Variants in MYOF observed in about 807,000 individuals in gnomAD.
MYOF encodes fer-1-like 3, myoferlin.
A neutral mutation model predicts 284.2 loss-of-function variants in MYOF; 244 were observed. That is an observed-to-expected ratio of 0.86 (90% CI 0.77 to 0.95). MYOF has a LOEUF of 0.95. MYOF is among the 40% of genes least tolerant of loss of function. The probability of loss-of-function intolerance (pLI) is 0.00; values close to 1 mark genes in which losing one functional copy is unlikely to be tolerated. For missense variants in MYOF, 2,496 were observed against 2,560.6 expected (o/e 0.97, Z 0.54); for synonymous variants, 904 against 919.7 (o/e 0.98, Z 0.31).
At position 93,374,825 on chromosome 10, in the gene MYOF, C is replaced by T; in HGVS notation, c.2239G>A (p.Val747Met). The change falls in exon 23 of 54, where the codon GTG (valine) becomes ATG (methionine). Residue 747 changes from valine (V) to methionine (M), a missense_variant. Around this residue, in one of 3 missense-constraint regions of MYOF, gnomAD observed 2,436 missense variants for 2,480.7 expected, o/e 0.98. Transcript: ENST00000359263. ...AVRMRSEATD[V>M]KSTLAEIEDW... The stretch of plus-strand genomic sequence containing the variant: ...TCAATTTCTGCCAGTGTGGACTTCA[C>T]ATCTGTGGCTTCCGACCTCATCCTC... 6.2e-7 allele frequency: 1 copy of T among 1,614,228 alleles called. No homozygotes were observed. The highest frequency in any genetic ancestry group is 8.5e-7 in the Non-Finnish European group (1 of 1,180,036).
At chr10:93,321,040 C>T (rs571342327) in intron 48 of MYOF, among the ~76,000 whole-genome samples, 1 of 152,206 alleles carries the variant, frequency 6.6e-6, no homozygotes, top group African/African-American at 2.4e-5. Context: ...AATGGAGGTA[C>T]CTTTAACACA....
intron 1 of MYOF, among the ~76,000 whole-genome samples, chr10:93,463,394 A>AATTTTTTTTTT (rs34592074): frequency 1.3e-5 from 1 of 78,928 alleles, no homozygotes; most frequent in African/African-American, 4.8e-5. Context: ...GTCTCTACAA[A>AATTTTTTTTTT]TTTTTTTTTT....
intron 30 of MYOF, 73 bp downstream of exon 30, chr10:93,356,602 G>T (rs2133909429): frequency 1.4e-6 from 2 of 1,447,432 alleles, no homozygotes; most frequent in Non-Finnish European, 1.9e-6. Flanking sequence ...TATGGAGTTG[G>T]CAGTGCTGTA....
intron 2 of MYOF, 80 bp downstream of exon 2, chr10:93,456,802 G>T: frequency 9.8e-7 from 1 of 1,021,474 alleles, no homozygotes; most frequent in Non-Finnish European, 1.5e-6. Flanking sequence ...CCGAAGGGAA[G>T]AGGTAACCTC....
At position 93,343,850 on chromosome 10, in the gene MYOF, G is replaced by A. The variant is rs1844043449; in HGVS notation, c.4326+6C>T. On this transcript the variant is annotated splice_donor_region_variant and intron_variant, in intron 38 of 53. Transcript: ENST00000359263. ...ACAGCATCCACTGATCAGCTCTGAA[G>A]CCTACCTTAGAAGCCAGTAATGGTT... The A allele has an allele frequency of 6.2e-7, 1 of 1,614,126 alleles. No individual in the cohort carries two copies.
At chr10:93,455,565 T>A (rs111288658) in intron 2 of MYOF, among the ~76,000 whole-genome samples, 7,066 of 152,162 alleles carry the variant, frequency 0.046, 219 homozygotes, top group Non-Finnish European at 0.07. Flanking sequence ...CTCAGGAGGC[T>A]GAGGTGGGAG....
chr10:93,350,950 C>T (rs117822068), intron 35 of MYOF, among the ~76,000 whole-genome samples: 56 of 152,306 alleles, frequency 3.7e-4, no homozygotes, highest in Non-Finnish European at 5.6e-4. Context: ...ACCTGAAAAA[C>T]TCAGAAACCT....
At chr10:93,321,920 G>C (rs1159807896) in intron 48 of MYOF, among the ~76,000 whole-genome samples, 1 of 151,690 alleles carries the variant, frequency 6.6e-6, no homozygotes, top group African/African-American at 2.4e-5. Context: ...AATTTTGCAA[G>C]GTACTTTAAG....
intron 37 of MYOF, 129 bp downstream of exon 37, chr10:93,347,488 C>A: frequency 1.2e-6 from 1 of 853,204 alleles, no homozygotes; most frequent in Non-Finnish European, 1.6e-6. Flanking sequence ...GGAAGCGGAG[C>A]TTGCAGTGAG....
At position 93,359,860 on chromosome 10, in the gene MYOF, T is replaced by G; in HGVS notation, c.3093A>C (p.Leu1031Phe). Residue 1031 changes from leucine to phenylalanine, a missense_variant, in exon 29 of 54, where the codon TTA becomes TTC. Physicochemically the swap from Leu to Phe is conservative, Grantham distance 22. Coordinates refer to ENST00000359263, the MANE Select transcript of MYOF (RefSeq NM_013451.4). ...TTGCGGTGCTTGAAGCAGTCTGTGT[T>G]AAATCTTTCTTGCGTTTTCGGACCA... ...RRLVRKRKKD[L>F]TQTASSTARA... The G allele has an allele frequency of 6.2e-7, 1 of 1,614,200 alleles. No individual in the cohort carries two copies. Among genetic ancestry groups the G allele is most frequent in the Non-Finnish European group, 8.5e-7 (1 of 1,180,016 alleles).
chr10:93,339,828 A>G (rs897612543), intron 39 of MYOF, among the ~76,000 whole-genome samples: 3 of 151,890 alleles, frequency 2.0e-5, no homozygotes, highest in African/African-American at 7.2e-5. Flanking sequence ...GCCTGTAATC[A>G]CAGCACTTTG....
chr10:93,407,790 C>G (rs1383174831), intron 7 of MYOF, among the ~76,000 whole-genome samples: 17 of 151,606 alleles, frequency 1.1e-4, no homozygotes. Flanking sequence ...ACAAACAAAG[C>G]CCCTGTGTGC....
At position 93,349,920 on chromosome 10, in the gene MYOF, A is replaced by G. The variant is rs769723757; in HGVS notation, c.3971T>C (p.Ile1324Thr). 8.1e-6 allele frequency: 13 copies of G among 1,614,054 alleles called. No individual in the cohort carries two copies. In the Admixed American group the frequency reaches 1.8e-4, roughly 23 times the overall value. The change falls in exon 36 of 54, where the codon ATC (isoleucine) becomes ACC (threonine). Residue 1324 changes from isoleucine to threonine, a missense_variant. This residue lies in a region of MYOF where 2,436 missense variants were observed against 2,480.7 expected (regional missense o/e 0.98). Transcript: ENST00000359263. ...CTCCACAACAAGACTGGGGGATGTG[A>G]TAGAAGCCATCTGGAAGTTTTTCAT... is the stretch of plus-strand genomic sequence containing the variant. ...RNMKNFQMASITSPSLVVECG... is the reference protein window; with the variant it reads ...RNMKNFQMASTTSPSLVVECG...
chr10:93,338,277 G>A, intron 39 of MYOF: 2 of 459,110 alleles, frequency 4.4e-6, no homozygotes, highest in East Asian at 1.3e-4. Flanking sequence ...TCCAATATGT[G>A]TTTTCTACTA....
intron 36 of MYOF, among the ~76,000 whole-genome samples, chr10:93,348,151 C>G (rs1045152998): frequency 9.2e-5 from 14 of 152,228 alleles, no homozygotes; most frequent in Admixed American, 6.5e-4. Flanking sequence ...CTCTCAGTCA[C>G]TGCCCTATAC....
chr10:93,350,312 CTT>C (rs369003989), intron 35 of MYOF, among the ~76,000 whole-genome samples: 2 of 148,156 alleles, frequency 1.3e-5, no homozygotes, highest in Admixed American at 6.7e-5. Flanking sequence ...CACCTGTAAA[CTT>C]TTTTTTTTTC....
chr10:93,370,656 T>C (rs75325583), intron 24 of MYOF, among the ~76,000 whole-genome samples: 7,449 of 152,168 alleles, frequency 0.049, 274 homozygotes, highest in Middle Eastern at 0.088. Context: ...TGAATACATG[T>C]CTTGTTAATA....
At chr10:93,388,297 G>A (rs1038662108) in intron 18 of MYOF, among the ~76,000 whole-genome samples, 8 of 152,200 alleles carry the variant, frequency 5.3e-5, no homozygotes, top group Non-Finnish European at 1.0e-4. Context: ...ATTTATCTGG[G>A]TTAACTTGGC....
chr10:93,345,923 A>C (rs1351286236), intron 37 of MYOF, among the ~76,000 whole-genome samples: 1 of 152,184 alleles, frequency 6.6e-6, no homozygotes, highest in African/African-American at 2.4e-5. Flanking sequence ...AGACACAAAC[A>C]GGTCCACGTA....
Sources: allele counts gnomAD v4.1 joint callset (sites outside exome capture counted in the v4.1 genomes callset), GRCh38; gene constraint gnomAD v4.1.1; regional missense constraint gnomAD v4.1.1; transcripts MANE v1.5; gene names NCBI Gene and HGNC (gene_info 2026-07-23, HGNC 2026-07-21).